The following PDE4DIP variants were observed in gnomAD, a reference collection of about 807,000 sequenced individuals.
PDE4DIP encodes the protein myomegalin.
PDE4DIP carries 59 observed loss-of-function variants against 221.4 expected under a neutral mutation model. That is an observed-to-expected ratio of 0.27 (90% CI 0.22 to 0.33). PDE4DIP has a LOEUF of 0.33. Ranked by LOEUF, PDE4DIP falls within the 10% of genes least tolerant of loss-of-function variation. PDE4DIP has a pLI of 1.00. For synonymous variants in PDE4DIP, 404 were observed against 815.9 expected, an observed-to-expected ratio of 0.50 and a Z score of 8.60; for missense variants, 1,036 against 2,154.2, an observed-to-expected ratio of 0.48 and a Z score of 10.28.
chr1:148,981,204 A>G, intron 20 of PDE4DIP, 66 bp from the exon 24 acceptor site: 2 of 1,511,568 alleles, frequency 1.3e-6, no homozygotes, highest in Non-Finnish European at 1.8e-6. Flanking sequence ...GTTCTTTGGA[A>G]ACAAATGTGG....
rs79028512 is a variant in PDE4DIP at position 149,029,849 on chromosome 1, C to A, written c.6876C>A (p.Leu2292=). The change falls in exon 42 of 44, where the codon CTC becomes CTA. Residue 2292 remains leucine (L), a synonymous_variant. Transcript: ENST00000369354. ...CCAAAGTATCCAAACAGGAGCGACT[C>A]CTTCAGAGCACAACTGAGCATCTGA... The A allele has an allele frequency of 9.6e-5, 154 of 1,608,396 alleles. 3 individuals are homozygous for A. The highest frequency in any genetic ancestry group is 8.2e-4 in the African/African-American group (61 of 74,470).
intron 19 of PDE4DIP, among the ~76,000 whole-genome samples, chr1:148,979,516 TTTC>T (rs2060744104): frequency 6.6e-6 from 1 of 152,216 alleles, no homozygotes; most frequent in African/African-American, 2.4e-5. Flanking sequence ...CTCTCTGCTT[TTTC>T]TTCTTTTTGC....
At chr1:149,017,104 C>T (rs1254266137) in intron 33 of PDE4DIP, among the ~76,000 whole-genome samples, 4 of 151,132 alleles carry the variant, frequency 2.6e-5, no homozygotes, top group East Asian at 1.9e-4. Flanking sequence ...TGTAAGCATC[C>T]GTCTGACTTT....
intron 1 of PDE4DIP, among the ~76,000 whole-genome samples, chr1:148,820,555 CA>C (rs148261220): frequency 0.03 from 1,175 of 39,222 alleles, 4 homozygotes; most frequent in Admixed American, 0.049. Flanking sequence ...AACTCCATCT[CA>C]AAAAAAAAAA....
intron 19 of PDE4DIP, 122 bp from the exon 23 acceptor site, chr1:148,979,615 A>G (rs2060760736): frequency 2.6e-6 from 2 of 782,428 alleles, no homozygotes; most frequent in East Asian, 2.7e-5. Context: ...AATAGTATCA[A>G]AAGCTTAAGT....
chr1:148,962,195 G>T lies in PDE4DIP; in HGVS notation c.889-1G>T, dbSNP rs144365853. On this transcript the variant is annotated splice_acceptor_variant, in intron 7 of 43. Transcript: ENST00000369354. LOFTEE classifies it high-confidence loss of function. Reference sequence around the variant, plus strand: ...TTTGATATTCCCTCTCTCATTTTCAGACTGAGGAGTTGTACCAGGTAATTG... The same window carrying T: ...TTTGATATTCCCTCTCTCATTTTCATACTGAGGAGTTGTACCAGGTAATTG... The T allele has an allele frequency of 1.3e-6, 1 of 791,478 alleles. No homozygotes were observed. 49.0% of individuals were successfully genotyped at this position (791,478 alleles called of 1,614,324 possible).
chr1:148,961,224 C>T (rs2056853427), intron 6 of PDE4DIP, among the ~76,000 whole-genome samples: 1 of 152,178 alleles, frequency 6.6e-6, no homozygotes, highest in African/African-American at 2.4e-5. Context: ...AAGACAATCG[C>T]TTGAACGCAG....
intron 31 of PDE4DIP, 113 bp from the exon 35 acceptor site, chr1:149,012,478 G>T (rs587620498): frequency 6.9e-5 from 41 of 593,282 alleles, no homozygotes; most frequent in Middle Eastern, 7.9e-4. Flanking sequence ...TAGCCACTCC[G>T]CAGGGTGATG....
At chr1:149,014,003 G>A (rs1354274500) in intron 32 of PDE4DIP, among the ~76,000 whole-genome samples, 2 of 152,082 alleles carry the variant, frequency 1.3e-5, no homozygotes, top group South Asian at 2.1e-4. Flanking sequence ...GCCAAGACTG[G>A]TCTAGAGCTC....
intron 21 of PDE4DIP, chr1:148,981,707 C>T: frequency 3.0e-6 from 1 of 329,476 alleles, no homozygotes; most frequent in Non-Finnish European, 5.9e-6. Flanking sequence ...CACTTTTATT[C>T]ATTCTTATCC....
intron 21 of PDE4DIP, 149 bp downstream of exon 24, chr1:148,981,546 T>C: frequency 3.4e-6 from 3 of 878,512 alleles, no homozygotes; most frequent in Non-Finnish European, 5.5e-6. Flanking sequence ...GACTTACTAA[T>C]GATAGAACTG....
At chr1:148,827,676 A>G (rs1381341848) in intron 1 of PDE4DIP, among the ~76,000 whole-genome samples, 1 of 116,054 alleles carries the variant, frequency 8.6e-6, no homozygotes, top group Non-Finnish European at 2.0e-5. Context: ...TCATCAAAAT[A>G]ATACTAATGA....
chr1:148,836,106 TG>T (rs1202023928), intron 1 of PDE4DIP, among the ~76,000 whole-genome samples: 1 of 136,342 alleles, frequency 7.3e-6, no homozygotes, highest in Admixed American at 7.3e-5. Flanking sequence ...TGGGCTGCTT[TG>T]TTTACCTACT....
At chr1:148,990,333 G>A (rs2062770731) in intron 21 of PDE4DIP, 3 of 985,300 alleles carry the variant, frequency 3.0e-6, no homozygotes, top group East Asian at 2.3e-4. Context: ...CCCCTGTGTG[G>A]CAGTGTCGAG....
intron 5 of PDE4DIP, among the ~76,000 whole-genome samples, chr1:148,947,135 T>TGTTA (rs1553484253): frequency 1.3e-5 from 2 of 152,238 alleles, no homozygotes; most frequent in Non-Finnish European, 2.9e-5. Context: ...ATTGATTGAT[T>TGTTA]TAACAAATAC....
chr1:148,879,035 GTTTTT>G (rs78320261), intron 3 of PDE4DIP, among the ~76,000 whole-genome samples: 1 of 59,164 alleles, frequency 1.7e-5, no homozygotes, highest in South Asian at 5.3e-4. Context: ...GTTTTGTTTT[GTTTTT>G]TTTTTTTTTT....
intron 27 of PDE4DIP, chr1:149,006,500 G>C (rs1181169127): frequency 6.6e-6 from 1 of 152,142 alleles, no homozygotes; most frequent in Non-Finnish European, 1.5e-5. Flanking sequence ...GGCATCAGGT[G>C]GTGGTTAAAA....
exon 13 of PDE4DIP, chr1:148,967,775 C>T (rs782538090): frequency 3.4e-6 from 5 of 1,470,700 alleles, no homozygotes; most frequent in Middle Eastern, 3.5e-4. Flanking sequence ...GAACAGTTAT[C>T]TACTACCTGT....
At chr1:148,983,204 A>G (rs587697657) in intron 21 of PDE4DIP, 3 of 152,142 alleles carry the variant, frequency 2.0e-5, no homozygotes, top group East Asian at 1.9e-4. Context: ...AGAAATGTCA[A>G]CCCATCAAAG....
Sources: allele counts gnomAD v4.1 joint callset (sites outside exome capture counted in the v4.1 genomes callset), GRCh38; gene constraint gnomAD v4.1.1; transcripts MANE v1.5; gene names NCBI Gene and HGNC (gene_info 2026-07-23, HGNC 2026-07-21).